The following CAMKMT variants were observed in gnomAD, a reference collection of about 807,000 sequenced individuals.
The protein encoded by CAMKMT is calmodulin-lysine N-methyltransferase, also known as CaM KMT.
A neutral mutation model predicts 48.0 loss-of-function variants in CAMKMT; 53 were observed. That is an observed-to-expected ratio of 1.10 (90% CI 0.89 to 1.39). The LOEUF (loss-of-function observed/expected upper bound fraction) is 1.39, where lower values mean the gene tolerates loss of function less well. CAMKMT is among the 40% of genes most tolerant of loss of function. The probability of loss-of-function intolerance (pLI) is 0.00; values close to 1 mark genes in which losing one functional copy is unlikely to be tolerated. For synonymous variants in CAMKMT, 165 were observed against 152.3 expected (o/e 1.08, Z -0.61); for missense variants, 428 against 402.7 (o/e 1.06, Z -0.54).
chr2:44,736,701 T>C (rs1679372474), intron 7 of CAMKMT, among the ~76,000 whole-genome samples: 1 of 152,228 alleles, frequency 6.6e-6, no homozygotes, highest in African/African-American at 2.4e-5. Flanking sequence ...TTCCTTTTTT[T>C]CTCCATATAT....
intron 3 of CAMKMT, among the ~76,000 whole-genome samples, chr2:44,518,903 GA>G (rs1437384352): frequency 6.6e-6 from 1 of 152,202 alleles, no homozygotes; most frequent in Non-Finnish European, 1.5e-5. Context: ...AAAAGGGGAA[GA>G]TAGGCTCCAG....
chr2:44,526,134 C>G (rs559273950), intron 3 of CAMKMT, among the ~76,000 whole-genome samples: 1 of 152,066 alleles, frequency 6.6e-6, no homozygotes, highest in Non-Finnish European at 1.5e-5. Flanking sequence ...GAAACTATCA[C>G]AAGGACAAAA....
At chr2:44,661,999 G>A (rs1674704066) in intron 3 of CAMKMT, among the ~76,000 whole-genome samples, 2 of 152,168 alleles carry the variant, frequency 1.3e-5, no homozygotes, top group African/African-American at 4.8e-5. Context: ...GCCCATATGA[G>A]TCTATATCTA....
intron 3 of CAMKMT, among the ~76,000 whole-genome samples, chr2:44,663,198 G>T (rs1289746134): frequency 6.6e-6 from 1 of 152,092 alleles, no homozygotes; most frequent in Non-Finnish European, 1.5e-5. Context: ...TCCCACTAAG[G>T]TCCTTTATAG....
chr2:44,757,013 A>C (rs1346183362), intron 9 of CAMKMT, among the ~76,000 whole-genome samples: 1 of 152,188 alleles, frequency 6.6e-6, no homozygotes, highest in Admixed American at 6.5e-5. Context: ...CTGAGCCTGC[A>C]TTTCCTCACG....
intron 9 of CAMKMT, among the ~76,000 whole-genome samples, chr2:44,760,301 A>G (rs911848920): frequency 1.1e-4 from 16 of 152,070 alleles, no homozygotes; most frequent in Admixed American, 7.2e-4. Flanking sequence ...GTGTTTTGGG[A>G]TCAACAAGAA....
intron 1 of CAMKMT, among the ~76,000 whole-genome samples, chr2:44,366,725 T>A (rs940641880): frequency 1.3e-5 from 2 of 151,748 alleles, no homozygotes; most frequent in African/African-American, 4.8e-5. Context: ...ATTGTTATTA[T>A]TATTATTATT....
intron 3 of CAMKMT, among the ~76,000 whole-genome samples, chr2:44,573,577 T>A (rs963035313): frequency 6.6e-6 from 1 of 152,228 alleles, no homozygotes. Context: ...TCATATATAG[T>A]TTTCATTTTG....
At chr2:44,684,726 G>C (rs1371855693) in intron 3 of CAMKMT, among the ~76,000 whole-genome samples, 1 of 152,182 alleles carries the variant, frequency 6.6e-6, no homozygotes, top group Non-Finnish European at 1.5e-5. Context: ...CTGGAAACTG[G>C]TAAGCATGCA....
chr2:44,470,585 T>G (rs542376087), intron 3 of CAMKMT, among the ~76,000 whole-genome samples: 2 of 152,342 alleles, frequency 1.3e-5, no homozygotes, highest in Admixed American at 6.5e-5. Context: ...GGGGTTTTGG[T>G]TATTCTACTT....
At chr2:44,442,153 C>T (rs1056823657) in intron 3 of CAMKMT, among the ~76,000 whole-genome samples, 1 of 152,132 alleles carries the variant, frequency 6.6e-6, no homozygotes, top group South Asian at 2.1e-4. Flanking sequence ...AAGCAAGACT[C>T]CAGTCTGAGA....
At chr2:44,403,061 C>G (rs1682540580) in intron 3 of CAMKMT, among the ~76,000 whole-genome samples, 1 of 151,878 alleles carries the variant, frequency 6.6e-6, no homozygotes, top group Non-Finnish European at 1.5e-5. Flanking sequence ...TACTACAAAA[C>G]TGATTGGAAG....
intron 3 of CAMKMT, among the ~76,000 whole-genome samples, chr2:44,543,446 C>G (rs766526685): frequency 3.3e-5 from 5 of 152,096 alleles, no homozygotes; most frequent in Non-Finnish European, 7.4e-5. Context: ...GAATCAAATG[C>G]CCTGTGGGAC....
intron 3 of CAMKMT, among the ~76,000 whole-genome samples, chr2:44,686,126 G>A (rs1292258840): frequency 2.0e-5 from 3 of 152,126 alleles, no homozygotes; most frequent in Admixed American, 6.5e-5. Context: ...AGGCCCAGTG[G>A]CTCACGCCTG....
At chr2:44,473,436 AT>A (rs556444782) in intron 3 of CAMKMT, among the ~76,000 whole-genome samples, 10 of 152,234 alleles carry the variant, frequency 6.6e-5, no homozygotes, top group Middle Eastern at 3.4e-3. Context: ...GAGTGCCAGA[AT>A]TTTTTTTAAA....
At chr2:44,750,599 C>T (rs1396531228) in intron 8 of CAMKMT, among the ~76,000 whole-genome samples, 6 of 152,264 alleles carry the variant, frequency 3.9e-5, no homozygotes, top group Admixed American at 3.9e-4. Context: ...ATACACTCCT[C>T]AAGCCATACA....
chr2:44,593,743 T>G (rs1408488322), intron 3 of CAMKMT, among the ~76,000 whole-genome samples: 1 of 150,866 alleles, frequency 6.6e-6, no homozygotes, highest in Non-Finnish European at 1.5e-5. Flanking sequence ...CCCTGGGGAA[T>G]TTTTGAAAAA....
At chr2:44,754,019 A>C in intron 8 of CAMKMT, 36 bp from the exon 9 acceptor site, 1 of 1,558,638 alleles carries the variant, frequency 6.4e-7, no homozygotes, top group Admixed American at 1.7e-5. Context: ...TTGAAAACCC[A>C]GTTTAATCTG....
chr2:44,567,463 A>C (rs569001692), intron 3 of CAMKMT, among the ~76,000 whole-genome samples: 1 of 152,310 alleles, frequency 6.6e-6, no homozygotes, highest in South Asian at 2.1e-4. Flanking sequence ...TCAGGAGACT[A>C]CTGAAACATC....
Sources: allele counts gnomAD v4.1 joint callset (sites outside exome capture counted in the v4.1 genomes callset), GRCh38; gene constraint gnomAD v4.1.1; transcripts MANE v1.5; gene names NCBI Gene and HGNC (gene_info 2026-07-23, HGNC 2026-07-21).